NOL4L: variants seen among roughly 807,000 people sequenced by gnomAD.
NOL4L encodes the protein nucleolar protein 4 like.
NOL4L carries 7 observed loss-of-function variants against 64.5 expected under a neutral mutation model. The observed-to-expected ratio is 0.11, with a 90% CI of 0.06 to 0.20. The LOEUF (loss-of-function observed/expected upper bound fraction) is 0.20, where lower values mean the gene tolerates loss of function less well. NOL4L is among the 10% of genes least tolerant of loss of function. The pLI, the probability that NOL4L is intolerant of heterozygous loss-of-function variation, is 1.00. For synonymous variants in NOL4L, 413 were observed against 401.0 expected (o/e 1.03, Z -0.36); for missense variants, 680 against 967.1 (o/e 0.70, Z 3.94).
At chr20:32,575,099 C>T (rs1980009605) in intron 1 of NOL4L, among the ~76,000 whole-genome samples, 1 of 152,148 alleles carries the variant, frequency 6.6e-6, no homozygotes, top group Non-Finnish European at 1.5e-5. Context: ...CCTCTCACCA[C>T]AGAATCTGAG....
intron 5 of NOL4L, among the ~76,000 whole-genome samples, chr20:32,468,986 C>A (rs1337748053): frequency 6.6e-6 from 1 of 151,894 alleles, no homozygotes; most frequent in African/African-American, 2.4e-5. Flanking sequence ...AAAACGCTGG[C>A]TCTGGAGAGA....
rs1480379627 is a variant in NOL4L, at chr20:32,446,224, T to G, written c.*1372A>C. 7.5e-6 allele frequency: 1 copy of G among 134,196 alleles called. No individual in the cohort carries two copies. Among genetic ancestry groups the G allele is most frequent in the Non-Finnish European group, 1.7e-5 (1 of 59,654 alleles). 8.3% of individuals were successfully genotyped at this position (134,196 alleles called of 1,614,324 possible). Reference sequence around the variant, plus strand: ...AGGTATTGCACTGAGCAAGAGGAAGTGCCTATCAATCAATCAATCAGGGAG... The same window carrying G: ...AGGTATTGCACTGAGCAAGAGGAAGGGCCTATCAATCAATCAATCAGGGAG... On this transcript the variant is annotated 3_prime_UTR_variant, in exon 11 of 11. Transcript: ENST00000621426.
At chr20:32,573,161 T>C (rs1265733186) in intron 1 of NOL4L, among the ~76,000 whole-genome samples, 2 of 151,946 alleles carry the variant, frequency 1.3e-5, no homozygotes, top group East Asian at 1.9e-4. Flanking sequence ...ACCACAGGCA[T>C]GGCGCCACCA....
At chr20:32,581,781 C>G (rs1401279654) in intron 1 of NOL4L, among the ~76,000 whole-genome samples, 1 of 152,164 alleles carries the variant, frequency 6.6e-6, no homozygotes, top group African/African-American at 2.4e-5. Flanking sequence ...ACTGTGGGTA[C>G]TAAACAAATG....
In NOL4L at chr20:32,520,800, A is replaced by C; in HGVS notation, c.589+11T>G. 1 of 1,521,350 alleles carries C rather than the reference A, an allele frequency of 6.6e-7. No homozygotes were observed. Among genetic ancestry groups the C allele is most frequent in the East Asian group, 2.5e-5 (1 of 40,740 alleles). 94.2% of individuals were successfully genotyped at this position (1,521,350 alleles called of 1,614,324 possible). On this transcript the variant is annotated intron_variant, in intron 3 of 10. Coordinates refer to ENST00000621426, the MANE Select transcript of NOL4L (RefSeq NM_001256798.2). ...CCCCGCCCTAGCCCTCCAGCACGCCACCCCTGCTACCTTTGGGTTCCAGGC... is the reference window on the plus strand; with the variant it reads ...CCCCGCCCTAGCCCTCCAGCACGCCCCCCCTGCTACCTTTGGGTTCCAGGC...
intron 1 of NOL4L, among the ~76,000 whole-genome samples, chr20:32,583,629 G>A (rs1307340232): frequency 6.7e-6 from 1 of 150,132 alleles, no homozygotes; most frequent in Non-Finnish European, 1.5e-5. Flanking sequence ...AAGCTCAGCA[G>A]CGCCCCGGGA....
intron 1 of NOL4L, among the ~76,000 whole-genome samples, chr20:32,560,482 C>CA (rs1978942933): frequency 6.6e-6 from 1 of 152,212 alleles, no homozygotes. Context: ...CTACCCGCTG[C>CA]CCCAACTGTC....
chr20:32,480,729 G>A (rs1465290651), intron 4 of NOL4L, among the ~76,000 whole-genome samples: 6 of 152,178 alleles, frequency 3.9e-5, no homozygotes, highest in East Asian at 1.9e-4. Flanking sequence ...AATGGAAGAC[G>A]AAAAACCCCC....
chr20:32,456,574 TC>T, intron 5 of NOL4L, among the ~76,000 whole-genome samples, 179 bp from the exon 6 acceptor site: 2 of 152,034 alleles, frequency 1.3e-5, no homozygotes, highest in Middle Eastern at 6.8e-3. Context: ...AGCCACAGGG[TC>T]CCCTCTGCCA....
At chr20:32,477,513 C>A (rs2015468633) in intron 4 of NOL4L, among the ~76,000 whole-genome samples, 1 of 152,238 alleles carries the variant, frequency 6.6e-6, no homozygotes. Flanking sequence ...GTCCTTCCAA[C>A]AGTGGGGACC....
Position 32,488,805 on chromosome 20 carries a change from T to TCCTTCC in NOL4L, c.700-14064_700-14063insGGAAGG, listed in dbSNP as rs377521629. The stretch of plus-strand genomic sequence containing the variant: ...TTCCTTCCTTCCTTTCTTTCTTTCT[T>TCCTTCC]TTTCTTTCTTTCTTTCTTTCTTTTT... On this transcript the variant is annotated intron_variant, in intron 4 of 10. Transcript: ENST00000621426. Among the ~76,000 whole-genome samples, 104 of 30,180 alleles carry TCCTTCC rather than the reference T, an allele frequency of 3.4e-3. 1 individual carries two copies. The highest frequency in any genetic ancestry group is 0.015 in the East Asian group (14 of 916). The allele number at this position is 30,180 out of a possible 152,430, so 19.8% of individuals were successfully genotyped here.
At chr20:32,528,001 G>A (rs983834343) in intron 1 of NOL4L, 88 bp from the exon 2 acceptor site, 8 of 1,299,814 alleles carry the variant, frequency 6.2e-6, no homozygotes, top group East Asian at 5.3e-5. Context: ...GGGTCAGGAC[G>A]GGCAATGCCT....
chr20:32,491,933 T>C (rs2016484665), intron 4 of NOL4L, among the ~76,000 whole-genome samples: 1 of 151,944 alleles, frequency 6.6e-6, no homozygotes, highest in African/African-American at 2.4e-5. Flanking sequence ...CTGGGCAACA[T>C]AGCAAGACCC....
chr20:32,571,458 C>G (rs1201774970), intron 1 of NOL4L, among the ~76,000 whole-genome samples: 3 of 152,216 alleles, frequency 2.0e-5, no homozygotes, highest in Non-Finnish European at 4.4e-5. Context: ...CCACTCACCT[C>G]GGCCTCCCAG....
At position 32,456,373 on chromosome 20, in the gene NOL4L, G is replaced by C. The variant is rs772775235; in HGVS notation, c.864C>G (p.Gly288=). 7 of 1,471,132 alleles carry C rather than the reference G, an allele frequency of 4.8e-6. No homozygotes were observed. The highest frequency in any genetic ancestry group is 6.3e-6 in the Non-Finnish European group (7 of 1,107,396). The allele number at this position is 1,471,132 out of a possible 1,614,324, so 91.1% of individuals were successfully genotyped here. Residue 288 remains glycine (G), a synonymous_variant, in exon 6 of 11, where the codon GGC becomes GGG. Transcript: ENST00000621426. ...QEDDDSSSES[G]SGNGSSTLNP... ...TCAGGGTGGAGGAGCCATTGCCGCT[G>C]CCACTCTCAGAGGAGGAGTCATCTG...
intron 1 of NOL4L, among the ~76,000 whole-genome samples, chr20:32,558,695 GGCCAGAGGGTCAGCGGT>G (rs1978814639): frequency 6.6e-6 from 1 of 152,202 alleles, no homozygotes; most frequent in Admixed American, 6.5e-5. Flanking sequence ...TGACTGGTGG[GGCCAGAGGGTCAGCGGT>G]GCTGGGCCTG....
chr20:32,565,037 C>T, intron 1 of NOL4L: 1 of 152,594 alleles, frequency 6.6e-6, no homozygotes, highest in Non-Finnish European at 1.5e-5. Context: ...TTAGGCAGGC[C>T]CGGGTCCAAG....
Position 32,453,944 on chromosome 20 carries a change from G to T in NOL4L, c.1120-183C>A, listed in dbSNP as rs561865403. On this transcript the variant is annotated intron_variant, in intron 6 of 10. Transcript: ENST00000621426. This position sits in a 1 kb window ranked among gnomAD's most constrained non-coding sequence, Gnocchi z 5.6. ...CTGCTCCCTTCATCTGTGCAATGGGGACAGCAATGCTACCACCTCCCTCCC... is the reference window on the plus strand; with the variant it reads ...CTGCTCCCTTCATCTGTGCAATGGGTACAGCAATGCTACCACCTCCCTCCC... The T allele has an allele frequency of 8.2e-6, 5 of 611,950 alleles. No homozygotes were observed. Among genetic ancestry groups the T allele is most frequent in the Non-Finnish European group, 8.6e-6 (3 of 347,666 alleles). 37.9% of individuals were successfully genotyped at this position (611,950 alleles called of 1,614,324 possible). A position where few individuals can be genotyped will look rare whatever the true frequency, so the allele number is the denominator to read the frequency against.
chr20:32,474,787 T>C, intron 4 of NOL4L, 45 bp from the exon 5 acceptor site: 1 of 1,544,654 alleles, frequency 6.5e-7, no homozygotes. Flanking sequence ...GGACGGGCTC[T>C]CATCAGCCTG....
Sources: gnomAD v4.1 joint callset for allele counts (sites outside exome capture counted in the v4.1 genomes callset) on GRCh38, gnomAD v4.1.1 for gene constraint, Gnocchi (gnomAD v3.1) non-coding constraint, MANE v1.5 for transcripts, NCBI Gene and HGNC (gene_info 2026-07-23, HGNC 2026-07-21) for gene names.